IMMP2L: variants seen among roughly 807,000 people sequenced by gnomAD.
IMMP2L encodes the protein mitochondrial inner membrane protease subunit 2.
In IMMP2L, 18 loss-of-function variants were observed where a neutral mutation model predicts 19.3. The ratio of observed to expected loss-of-function variants is 0.93; its 90% CI spans 0.64 to 1.38. The LOEUF (loss-of-function observed/expected upper bound fraction) is 1.38. Ranked by LOEUF, IMMP2L falls within the 40% of genes most tolerant of loss-of-function variation. The pLI is 0.00. For synonymous variants in IMMP2L, 76 were observed against 73.0 expected (o/e 1.04, Z -0.21); for missense variants, 233 against 218.2 (o/e 1.07, Z -0.43).
At chr7:111,415,139 A>G (rs555837672) in intron 3 of IMMP2L, among the ~76,000 whole-genome samples, 3 of 151,910 alleles carry the variant, frequency 2.0e-5, no homozygotes, top group South Asian at 2.1e-4. Context: ...AGCTTGAGAG[A>G]GCTTTTCCTG....
Position 111,267,337 on chromosome 7 carries a change from A to T in IMMP2L, c.239+219901T>A, listed in dbSNP as rs147311702. ...AAAAACAATTGTAAAGTCCTTTGAAAATGTAAAATTACTAAGATTTATTCA... is the reference window on the plus strand; with the variant it reads ...AAAAACAATTGTAAAGTCCTTTGAATATGTAAAATTACTAAGATTTATTCA... On this transcript the variant is annotated intron_variant, in intron 3 of 5. Transcript: ENST00000405709. 2.6e-3 allele frequency among the ~76,000 whole-genome samples: 403 copies of T among 152,278 alleles called. 3 individuals are homozygous for T. The highest frequency in any genetic ancestry group is 9.2e-3 in the African/African-American group (381 of 41,556).
rs1004461554 is a variant in IMMP2L, at chr7:111,532,096, G to A, written c.-2-10647C>T. ...AATAAGAAAAAGGTAGTAACACTCA[G>A]AACCTAAAAAAAGAAGGGTACAAAA... On this transcript the variant is annotated intron_variant, in intron 1 of 5. Transcript: ENST00000405709. Among the ~76,000 whole-genome samples the A allele has an allele frequency of 3.3e-5, 5 of 152,094 alleles. No homozygotes were observed. In the East Asian group the frequency reaches 7.7e-4, roughly 24 times the overall value.
At chr7:110,680,936 T>C (rs1792676357) in intron 5 of IMMP2L, among the ~76,000 whole-genome samples, 1 of 152,054 alleles carries the variant, frequency 6.6e-6, no homozygotes, top group Admixed American at 6.6e-5. Context: ...TGGAGTGGCA[T>C]AGGGGTGTGC....
chr7:110,748,554 T>G (rs1000351686), intron 5 of IMMP2L, among the ~76,000 whole-genome samples: 9 of 152,104 alleles, frequency 5.9e-5, no homozygotes, highest in African/African-American at 1.7e-4. Context: ...AACAGATATA[T>G]AGACCAACGG....
chr7:110,814,012 A>C (rs1391751536), intron 5 of IMMP2L, among the ~76,000 whole-genome samples: 2 of 151,986 alleles, frequency 1.3e-5, no homozygotes. Context: ...TTTAACGCTT[A>C]TGAGTATATT....
At chr7:111,378,997 G>C (rs1440056185) in intron 3 of IMMP2L, among the ~76,000 whole-genome samples, 2 of 151,618 alleles carry the variant, frequency 1.3e-5, no homozygotes, top group Non-Finnish European at 3.0e-5. Context: ...TTACACAGTA[G>C]ACCTTCCCAT....
chr7:110,950,446 T>C (rs1817674221), intron 4 of IMMP2L, among the ~76,000 whole-genome samples: 1 of 152,000 alleles, frequency 6.6e-6, no homozygotes, highest in Non-Finnish European at 1.5e-5. Flanking sequence ...TATACTGTTG[T>C]TTGGGTTATT....
chr7:110,903,093 T>A (rs1399230012), intron 4 of IMMP2L, among the ~76,000 whole-genome samples: 1 of 152,168 alleles, frequency 6.6e-6, no homozygotes, highest in Non-Finnish European at 1.5e-5. Context: ...AGCCAGCGAC[T>A]GATGAAAGCC....
In IMMP2L at chr7:110,912,965, A is replaced by T. The variant is rs566293565; in HGVS notation, c.306-26270T>A. Reference sequence around the variant, plus strand: ...GGCTAGAGAGGGAATGGATAGTGGCAAACGACATTGTGGAAGGTGGAGATC... The same window carrying T: ...GGCTAGAGAGGGAATGGATAGTGGCTAACGACATTGTGGAAGGTGGAGATC... On this transcript the variant is annotated intron_variant, in intron 4 of 5. Coordinates refer to ENST00000405709, the MANE Select transcript of IMMP2L (RefSeq NM_032549.4). Among the ~76,000 whole-genome samples, 3 of 152,244 alleles carry T rather than the reference A, an allele frequency of 2.0e-5. No individual in the cohort carries two copies. The East Asian group carries it at 5.8e-4, about 29-fold the overall frequency.
At chr7:110,773,512 G>C (rs1329529725) in intron 5 of IMMP2L, among the ~76,000 whole-genome samples, 1 of 152,098 alleles carries the variant, frequency 6.6e-6, no homozygotes, top group Admixed American at 6.6e-5. Context: ...CAGGTGCAGG[G>C]ACAGATTAAA....
At chr7:110,947,875 T>A (rs2129553760) in intron 4 of IMMP2L, among the ~76,000 whole-genome samples, 1 of 152,268 alleles carries the variant, frequency 6.6e-6, no homozygotes, top group African/African-American at 2.4e-5. Context: ...AATTTATTTG[T>A]GTAATAAACA....
At chr7:111,387,905 G>A (rs1283216902) in intron 3 of IMMP2L, among the ~76,000 whole-genome samples, 1 of 149,326 alleles carries the variant, frequency 6.7e-6, no homozygotes, top group East Asian at 2.0e-4. Context: ...GAAACCAGGA[G>A]GCAGAGGTTG....
intron 3 of IMMP2L, among the ~76,000 whole-genome samples, chr7:111,120,107 T>G (rs1159539324): frequency 6.6e-6 from 1 of 152,180 alleles, no homozygotes; most frequent in Non-Finnish European, 1.5e-5. Context: ...AGGATCTCCA[T>G]ATATCAAATT....
chr7:110,838,216 A>G (rs996347288), intron 5 of IMMP2L, among the ~76,000 whole-genome samples: 2 of 152,152 alleles, frequency 1.3e-5, no homozygotes, highest in African/African-American at 2.4e-5. Flanking sequence ...ACATAAATAC[A>G]CATTTATCTA....
chr7:110,854,506 TGTA>T (rs1030610893), intron 5 of IMMP2L, among the ~76,000 whole-genome samples: 21 of 151,946 alleles, frequency 1.4e-4, no homozygotes, highest in Non-Finnish European at 4.4e-5. Context: ...GCTCCTCCAT[TGTA>T]ATAATAATGT....
chr7:111,526,258 TACATTTCA>T (rs1158453562), intron 1 of IMMP2L, among the ~76,000 whole-genome samples: 1 of 152,186 alleles, frequency 6.6e-6, no homozygotes, highest in East Asian at 1.9e-4. Flanking sequence ...AACAATACCT[TACATTTCA>T]ACATACATTT....
At chr7:111,259,999 T>G (rs1378667496) in intron 3 of IMMP2L, among the ~76,000 whole-genome samples, 1 of 152,120 alleles carries the variant, frequency 6.6e-6, no homozygotes, top group African/African-American at 2.4e-5. Flanking sequence ...AGCTGTCATC[T>G]CCTATCATAA....
intron 3 of IMMP2L, among the ~76,000 whole-genome samples, chr7:111,172,437 A>T (rs2129609350): frequency 6.6e-6 from 1 of 151,710 alleles, no homozygotes; most frequent in East Asian, 1.9e-4. Context: ...ACGTGTAATG[A>T]TCAAACAGGG....
intron 3 of IMMP2L, among the ~76,000 whole-genome samples, chr7:111,160,857 T>C (rs1805181859): frequency 6.6e-6 from 1 of 151,178 alleles, no homozygotes; most frequent in Middle Eastern, 3.3e-3. Flanking sequence ...GATAAACTTC[T>C]GACGAGTTTG....
Sources: gnomAD v4.1 joint callset for allele counts (sites outside exome capture counted in the v4.1 genomes callset) on GRCh38, gnomAD v4.1.1 for gene constraint, MANE v1.5 for transcripts, NCBI Gene and HGNC (gene_info 2026-07-23, HGNC 2026-07-21) for gene names.